GOLGA4: variants seen among roughly 807,000 people sequenced by gnomAD.
GOLGA4 encodes golgin subfamily A member 4.
In GOLGA4, 169 loss-of-function variants were observed where a neutral mutation model predicts 265.9. The ratio of observed to expected loss-of-function variants is 0.64; its 90% CI spans 0.56 to 0.72. GOLGA4 has a LOEUF of 0.72. Among genes scored for constraint, GOLGA4 ranks in the 30% least tolerant of loss-of-function variants. The probability of loss-of-function intolerance (pLI) is 0.00; values close to 1 mark genes in which losing one functional copy is unlikely to be tolerated. For missense variants in GOLGA4, 2,482 were observed against 2,483.4 expected, an observed-to-expected ratio of 1.00 and a Z score of 0.01; for synonymous variants, 923 against 855.8, an observed-to-expected ratio of 1.08 and a Z score of -1.37.
intron 2 of GOLGA4, among the ~76,000 whole-genome samples, chr3:37,269,602 C>T (rs1471368671): frequency 1.3e-5 from 2 of 151,998 alleles, no homozygotes; most frequent in South Asian, 2.1e-4. Context: ...CCGTATAAAA[C>T]TTCACATACA....
intron 18 of GOLGA4, 70 bp from the exon 19 acceptor site, chr3:37,337,596 C>A: frequency 1.0e-6 from 1 of 980,870 alleles, no homozygotes; most frequent in Non-Finnish European, 1.6e-6. Flanking sequence ...AATTTCCAAG[C>A]AGTGCAGAAA....
In GOLGA4 at chr3:37,349,863, A is replaced by G. The variant is rs369851914; in HGVS notation, c.6576+2567A>G. Among the ~76,000 whole-genome samples the G allele has an allele frequency of 1.4e-4, 22 of 152,284 alleles. No individual in the cohort carries two copies. The East Asian group carries it at 1.5e-3, about 11-fold the overall frequency. Reference sequence around the variant, plus strand: ...TGTTTCTTCGTCTGCTTTTGTACACAGTGTTCTTTATTTTATGAGGCAGAT... The same window carrying G: ...TGTTTCTTCGTCTGCTTTTGTACACGGTGTTCTTTATTTTATGAGGCAGAT... On this transcript the variant is annotated intron_variant, in intron 21 of 23. Coordinates refer to ENST00000361924, the MANE Select transcript of GOLGA4 (RefSeq NM_002078.5).
intron 2 of GOLGA4, among the ~76,000 whole-genome samples, chr3:37,259,904 C>G (rs763735334): frequency 3.9e-5 from 6 of 152,096 alleles, no homozygotes; most frequent in Non-Finnish European, 8.8e-5. Context: ...GTAAAACTAT[C>G]TATATAGACA....
chr3:37,346,739 C>T (rs925294328), intron 20 of GOLGA4, among the ~76,000 whole-genome samples: 1 of 152,152 alleles, frequency 6.6e-6, no homozygotes, highest in African/African-American at 2.4e-5. Flanking sequence ...GCCAAATTGT[C>T]ATCTGTAGTG....
At chr3:37,305,906 T>A (rs956082121) in intron 10 of GOLGA4, among the ~76,000 whole-genome samples, 14 of 152,240 alleles carry the variant, frequency 9.2e-5, no homozygotes. Flanking sequence ...TCCCCACTAC[T>A]TTTCTTGGGA....
chr3:37,350,086 C>T (rs1204911987), intron 21 of GOLGA4, among the ~76,000 whole-genome samples: 6 of 152,148 alleles, frequency 3.9e-5, no homozygotes, highest in African/African-American at 1.4e-4. Flanking sequence ...GAAGATGCCT[C>T]TCCCTAAGGA....
chr3:37,348,151 G>C (rs1482463416), intron 21 of GOLGA4, among the ~76,000 whole-genome samples: 1 of 152,050 alleles, frequency 6.6e-6, no homozygotes, highest in East Asian at 1.9e-4. Flanking sequence ...GCAGGTTCAA[G>C]CACTGATTTG....
At chr3:37,258,841 TG>T (rs1214711633) in intron 2 of GOLGA4, among the ~76,000 whole-genome samples, 2 of 152,194 alleles carry the variant, frequency 1.3e-5, no homozygotes, top group African/African-American at 4.8e-5. Context: ...AAATGTCACT[TG>T]TTTCTTGTAT....
chr3:37,320,303 A>G lies in GOLGA4; in HGVS notation c.1545+1109A>G, dbSNP rs146980260. On this transcript the variant is annotated intron_variant, in intron 12 of 23. Coordinates refer to ENST00000361924, the MANE Select transcript of GOLGA4 (RefSeq NM_002078.5). ...AAAATGTAATTTGTTTTTGTATGAA[A>G]TTATTATCCGTAAGATAATATGTGT... 4.6e-3 allele frequency: 698 copies of G among 152,306 alleles called. 4 individuals carry two copies. Among genetic ancestry groups the G allele is most frequent in the African/African-American group, 0.016 (658 of 41,580 alleles). The allele number at this position is 152,306 out of a possible 1,614,324, so 9.4% of individuals were successfully genotyped here. A position where few individuals can be genotyped will look rare whatever the true frequency, so the allele number is the denominator to read the frequency against.
At position 37,326,758 on chromosome 3, in the gene GOLGA4, A is replaced by C; in HGVS notation, c.4872A>C (p.Ala1624=). 1 of 1,613,736 alleles carries C rather than the reference A, an allele frequency of 6.2e-7. No individual in the cohort carries two copies. Among genetic ancestry groups the C allele is most frequent in the East Asian group, 2.2e-5 (1 of 44,860 alleles). The change falls in exon 14 of 24, where the codon GCA becomes GCC. Residue 1624 remains alanine, a synonymous_variant. Coordinates refer to ENST00000361924, the MANE Select transcript of GOLGA4 (RefSeq NM_002078.5). ...SVKSKEEELK[A]LEDRLESESA... is the part of the protein sequence containing the mutation. The stretch of plus-strand genomic sequence containing the variant: ...AAAGCAAAGAGGAGGAGTTAAAGGC[A>C]TTGGAAGATAGGCTTGAGTCAGAAA...
chr3:37,267,466 G>C (rs2096786829), intron 2 of GOLGA4, among the ~76,000 whole-genome samples: 2 of 152,120 alleles, frequency 1.3e-5, no homozygotes, highest in Admixed American at 6.5e-5. Context: ...AAAGAGAATT[G>C]TCTCATTTGT....
intron 14 of GOLGA4, 117 bp from the exon 15 acceptor site, chr3:37,328,299 C>G: frequency 2.4e-6 from 2 of 849,390 alleles, no homozygotes; most frequent in South Asian, 3.3e-5. Context: ...CTCTCTCTCT[C>G]TCAAAAATGT....
chr3:37,324,123 C>G lies in GOLGA4; in HGVS notation c.2237C>G (p.Ser746Cys). The G allele has an allele frequency of 6.2e-7, 1 of 1,614,026 alleles. No individual in the cohort carries two copies. Among genetic ancestry groups the G allele is most frequent in the Non-Finnish European group, 8.5e-7 (1 of 1,179,928 alleles). The change falls in exon 14 of 24, where the codon TCT becomes TGT. Residue 746 changes from serine to cysteine, a missense_variant. Transcript: ENST00000361924. Reference protein sequence around the residue: ...VDSIIKEHEVSIQRTEKALKD... With the variant: ...VDSIIKEHEVCIQRTEKALKD... ...AGTATCATTAAAGAACACGAGGTAT[C>G]TATCCAGAGGACTGAGAAGGCATTA...
chr3:37,294,155 G>T (rs572030201), intron 5 of GOLGA4, among the ~76,000 whole-genome samples: 1 of 152,264 alleles, frequency 6.6e-6, no homozygotes, highest in Admixed American at 6.5e-5. Flanking sequence ...GGTTAGGAAG[G>T]CTCATTAATG....
rs1578453667 is a variant in GOLGA4, at chr3:37,275,863, T to C, written c.163-6095T>C. The C allele has an allele frequency of 1.9e-6, 3 of 1,613,628 alleles. No individual in the cohort carries two copies. The South Asian group carries it at 3.3e-5, about 18-fold the overall frequency. On this transcript the variant is annotated intron_variant, in intron 2 of 23. Transcript: ENST00000361924. ...CAGTTAATGCTATTCGCAAGCAGAG[T>C]ACAGATGAGGAAGTTACATCTTTGG...
intron 3 of GOLGA4, among the ~76,000 whole-genome samples, chr3:37,282,602 C>T (rs973694390): frequency 6.6e-6 from 1 of 152,186 alleles, no homozygotes; most frequent in Admixed American, 6.5e-5. Context: ...CATCTTCTGG[C>T]TCATATCCTC....
In GOLGA4 at chr3:37,303,161, A is replaced by G. The variant is rs184058019; in HGVS notation, c.1234+829A>G. On this transcript the variant is annotated intron_variant, in intron 10 of 23. Transcript: ENST00000361924. ...CAGTTGGATTGTAAAGGAACTGACT[A>G]TTGAAATCTTAAAAGGTAGGTAGCT... 3.9e-5 allele frequency among the ~76,000 whole-genome samples: 6 copies of G among 152,394 alleles called. No homozygotes were observed. In the East Asian group the frequency reaches 1.2e-3, roughly 29 times the overall value.
intron 20 of GOLGA4, among the ~76,000 whole-genome samples, chr3:37,345,232 C>G (rs906300864): frequency 6.6e-6 from 1 of 152,134 alleles, no homozygotes; most frequent in African/African-American, 2.4e-5. Flanking sequence ...GTTGATTGTT[C>G]TCAGTAGTAA....
intron 7 of GOLGA4, 122 bp from the exon 8 acceptor site, chr3:37,298,711 A>T: frequency 1.5e-6 from 1 of 672,922 alleles, no homozygotes; most frequent in Non-Finnish European, 2.6e-6. Context: ...ATGACAGCTT[A>T]AAGGTTAGAA....
Sources: allele counts gnomAD v4.1 joint callset (sites outside exome capture counted in the v4.1 genomes callset), GRCh38; gene constraint gnomAD v4.1.1; transcripts MANE v1.5; gene names NCBI Gene and HGNC (gene_info 2026-07-23, HGNC 2026-07-21).